The following PCDHA4 variants were observed in gnomAD, a reference collection of about 807,000 sequenced individuals.
PCDHA4 encodes protocadherin alpha 4.
Under a neutral mutation model 61.4 loss-of-function variants are expected in PCDHA4, and 49 were observed. The ratio of observed to expected loss-of-function variants is 0.80; its 90% CI spans 0.63 to 1.01. The LOEUF is 1.01. Among genes scored for constraint, PCDHA4 ranks in the 50% least tolerant of loss-of-function variants. The probability of loss-of-function intolerance (pLI) is 0.00; values close to 1 mark genes in which losing one functional copy is unlikely to be tolerated. For missense variants in PCDHA4, 1,254 were observed against 1,235.8 expected (o/e 1.01, Z -0.22); for synonymous variants, 590 against 550.3 (o/e 1.07, Z -1.01).
At chr5:140,836,614 C>G in intron 1 of PCDHA4, 1 of 1,613,584 alleles carries the variant, frequency 6.2e-7, no homozygotes, top group Non-Finnish European at 8.5e-7. Context: ...TGCTCCAGCG[C>G]GGTGGGGAGC....
chr5:140,853,445 A>G, intron 1 of PCDHA4: 1 of 981,870 alleles, frequency 1.0e-6, no homozygotes, highest in Non-Finnish European at 1.2e-6. Flanking sequence ...ATTTTGCCTA[A>G]TAGGTCTCCT....
chr5:140,856,296 T>G, intron 1 of PCDHA4: 1 of 1,598,576 alleles, frequency 6.3e-7, no homozygotes, highest in Non-Finnish European at 8.6e-7. Flanking sequence ...AATGGCATTT[T>G]GTTTGTGAAT....
At chr5:140,928,685 A>G (rs899513448) in intron 1 of PCDHA4, 36 of 1,614,050 alleles carry the variant, frequency 2.2e-5, no homozygotes, top group Non-Finnish European at 3.1e-5. Context: ...TGGCTTTCCT[A>G]CCACATCTCC....
At chr5:140,836,242 T>C in intron 1 of PCDHA4, 1 of 1,613,606 alleles carries the variant, frequency 6.2e-7, no homozygotes, top group South Asian at 1.1e-5. Flanking sequence ...GGTGCGAGCA[T>C]CCCGTTCCGC....
chr5:140,896,406 C>CT (rs35238776), intron 1 of PCDHA4, among the ~76,000 whole-genome samples: 1 of 152,100 alleles, frequency 6.6e-6, no homozygotes, highest in Non-Finnish European at 1.5e-5. Flanking sequence ...TTATTTTTGA[C>CT]TTTTTAGTAA....
At chr5:140,997,097 T>G (rs1222829529) in intron 3 of PCDHA4, among the ~76,000 whole-genome samples, 10 of 152,156 alleles carry the variant, frequency 6.6e-5, no homozygotes, top group Admixed American at 5.2e-4. Context: ...TGCAGAGTTC[T>G]CATGCACTCC....
chr5:140,918,429 G>A (rs2078693094), intron 1 of PCDHA4, among the ~76,000 whole-genome samples: 1 of 152,164 alleles, frequency 6.6e-6, no homozygotes, highest in Non-Finnish European at 1.5e-5. Flanking sequence ...GTAGGATGTT[G>A]AATAGGAGTG....
chr5:140,927,614 A>G (rs1554204810), intron 1 of PCDHA4: 10 of 1,614,204 alleles, frequency 6.2e-6, no homozygotes, highest in South Asian at 1.1e-5. Flanking sequence ...TACCGCACCA[A>G]GGTTCCAGAG....
chr5:140,868,890 G>A (rs1013785921), intron 1 of PCDHA4: 2 of 748,714 alleles, frequency 2.7e-6, no homozygotes, highest in African/African-American at 1.8e-5. Flanking sequence ...AGTTTTAGGC[G>A]CAAGGTGTCG....
At chr5:140,919,823 T>C (rs1554199267) in intron 1 of PCDHA4, among the ~76,000 whole-genome samples, 1 of 152,222 alleles carries the variant, frequency 6.6e-6, no homozygotes, top group Non-Finnish European at 1.5e-5. Flanking sequence ...AAAATATATG[T>C]CCACATAGTA....
At chr5:140,937,927 A>AT (rs201742095) in intron 1 of PCDHA4, among the ~76,000 whole-genome samples, 1 of 149,222 alleles carries the variant, frequency 6.7e-6, no homozygotes, top group Non-Finnish European at 1.5e-5. Flanking sequence ...AAAAAAAAAA[A>AT]GTTTAATTTG....
In PCDHA4 at chr5:141,011,945, A is replaced by G. The variant is rs1588262929; in HGVS notation, c.*2008A>G. On this transcript the variant is annotated 3_prime_UTR_variant, in exon 4 of 4. Transcript: ENST00000530339. ...AGGTAGGAGTCTGTTATTTAAAAAAAGCATTAAATTTAAAAAAAAACTGTC... is the reference window on the plus strand; with the variant it reads ...AGGTAGGAGTCTGTTATTTAAAAAAGGCATTAAATTTAAAAAAAAACTGTC... 6.5e-6 allele frequency: 1 copy of G among 153,752 alleles called. No individual in the cohort carries two copies. The highest frequency in any genetic ancestry group is 1.5e-5 in the Non-Finnish European group (1 of 68,044). The allele number at this position is 153,752 out of a possible 1,614,324, so 9.5% of individuals were successfully genotyped here. A position where few individuals can be genotyped will look rare whatever the true frequency, so the allele number is the denominator to read the frequency against.
rs1382100762 is a variant in PCDHA4 at position 140,828,610 on chromosome 5, T to G, written c.2385+19038T>G. The G allele has an allele frequency of 6.2e-7, 1 of 1,614,226 alleles. No homozygotes were observed. The highest frequency in any genetic ancestry group is 2.2e-5 in the East Asian group (1 of 44,888). On this transcript the variant is annotated intron_variant, in intron 1 of 3. Transcript: ENST00000530339. ...ATTCCATCTTAACCTATAAACTCAG[T>G]TCTAGCGAATACTTCGGGCTAGATG...
At chr5:140,841,187 C>T in intron 1 of PCDHA4, 1 of 1,214,566 alleles carries the variant, frequency 8.2e-7, no homozygotes, top group South Asian at 1.6e-5. Context: ...TGTTCAAAGT[C>T]TTTTCTCTGA....
chr5:140,875,260 C>T (rs2153321792), intron 1 of PCDHA4: 1 of 1,109,124 alleles, frequency 9.0e-7, no homozygotes, highest in Non-Finnish European at 1.2e-6. Context: ...CACATGATGT[C>T]GCTCTACACT....
rs782361309 is a variant in PCDHA4 at position 140,857,289 on chromosome 5, G to T, written c.2385+47717G>T. 3 of 1,598,578 alleles carry T rather than the reference G, an allele frequency of 1.9e-6. 1 individual carries two copies. Among genetic ancestry groups the T allele is most frequent in the Middle Eastern group, 1.7e-4 (1 of 5,944 alleles). ...TTGGTGCTGGACAGCGCTCTGGACC[G>T]CGAGAGGGTGTCGGCCTATGAGCTG... is the stretch of plus-strand genomic sequence containing the variant. On this transcript the variant is annotated intron_variant, in intron 1 of 3. Transcript: ENST00000530339.
intron 1 of PCDHA4, chr5:140,876,487 G>A (rs782413739): frequency 4.3e-6 from 7 of 1,613,904 alleles, no homozygotes; most frequent in Non-Finnish European, 5.9e-6. Flanking sequence ...GGTCCTGGTG[G>A]AAGTTCTGGA....
At position 141,010,025 on chromosome 5, in the gene PCDHA4, A is replaced by T; in HGVS notation, c.*88A>T. On this transcript the variant is annotated 3_prime_UTR_variant, in exon 4 of 4. Coordinates refer to ENST00000530339, the MANE Select transcript of PCDHA4 (RefSeq NM_018907.4). ...TAGCAATTCCCTGCTCCTTTTTCCT[A>T]TCTACATGAGCCCTCTTAGAGACCT... The T allele has an allele frequency of 6.4e-7, 1 of 1,573,940 alleles. No homozygotes were observed. The highest frequency in any genetic ancestry group is 1.2e-5 in the South Asian group (1 of 82,592).
chr5:140,862,447 G>C, intron 1 of PCDHA4: 1 of 362,296 alleles, frequency 2.8e-6, no homozygotes, highest in Non-Finnish European at 5.5e-6. Flanking sequence ...GTACTCCACA[G>C]CGCCCTGGAC....
Sources: gnomAD v4.1 joint callset for allele counts (sites outside exome capture counted in the v4.1 genomes callset) on GRCh38, gnomAD v4.1.1 for gene constraint, MANE v1.5 for transcripts, NCBI Gene and HGNC (gene_info 2026-07-23, HGNC 2026-07-21) for gene names.